MPPED2: variants seen among roughly 807,000 people sequenced by gnomAD.
MPPED2 encodes the protein metallophosphoesterase domain containing 2.
In MPPED2, 5 loss-of-function variants were observed where a neutral mutation model predicts 33.0. That is an observed-to-expected ratio of 0.15 (90% CI 0.08 to 0.32). The LOEUF (loss-of-function observed/expected upper bound fraction) is 0.32. MPPED2 is among the 10% of genes least tolerant of loss of function. The pLI, the probability that MPPED2 is intolerant of heterozygous loss-of-function variation, is 1.00. For synonymous variants in MPPED2, 136 were observed against 141.9 expected, an observed-to-expected ratio of 0.96 and a Z score of 0.29; for missense variants, 275 against 372.1, an observed-to-expected ratio of 0.74 and a Z score of 2.15.
chr11:30,507,219 T>G (rs1952878795), intron 3 of MPPED2, among the ~76,000 whole-genome samples: 1 of 152,216 alleles, frequency 6.6e-6, no homozygotes, highest in Non-Finnish European at 1.5e-5. Flanking sequence ...AAAATGCAAT[T>G]ACTGCAAACA....
intron 4 of MPPED2, among the ~76,000 whole-genome samples, chr11:30,432,612 T>C (rs1045045858): frequency 1.4e-5 from 2 of 147,860 alleles, no homozygotes; most frequent in African/African-American, 5.0e-5. Context: ...ATGACACTAG[T>C]TTTTTTTTAA....
At chr11:30,510,041 T>C (rs1953067845) in intron 3 of MPPED2, among the ~76,000 whole-genome samples, 1 of 152,244 alleles carries the variant, frequency 6.6e-6, no homozygotes, top group South Asian at 2.1e-4. Flanking sequence ...TCCTGGGTCC[T>C]AACATTCATC....
chr11:30,557,083 A>G (rs1955998137), intron 2 of MPPED2, among the ~76,000 whole-genome samples: 1 of 151,922 alleles, frequency 6.6e-6, no homozygotes, highest in African/African-American at 2.4e-5. Flanking sequence ...ATTTTCCCCC[A>G]TAATGCATTT....
At chr11:30,498,025 A>G (rs1443230020) in intron 3 of MPPED2, among the ~76,000 whole-genome samples, 1 of 150,938 alleles carries the variant, frequency 6.6e-6, no homozygotes, top group Non-Finnish European at 1.5e-5. Flanking sequence ...AAGTGTAAAC[A>G]GGGCAGCTGA....
chr11:30,495,665 TGAC>T, intron 3 of MPPED2, 144 bp from the exon 4 acceptor site: 1 of 633,606 alleles, frequency 1.6e-6, no homozygotes, highest in East Asian at 2.7e-5. Flanking sequence ...CTGGAATTTA[TGAC>T]TACTACTTTA....
intron 5 of MPPED2, among the ~76,000 whole-genome samples, chr11:30,414,610 G>T (rs531354404): frequency 6.6e-6 from 1 of 151,430 alleles, no homozygotes; most frequent in Admixed American, 6.6e-5. Context: ...ATTCAGCCAT[G>T]GGTTTCAAAT....
chr11:30,496,076 A>G (rs1287409110), intron 3 of MPPED2, among the ~76,000 whole-genome samples: 2 of 152,232 alleles, frequency 1.3e-5, no homozygotes, highest in Non-Finnish European at 2.9e-5. Flanking sequence ...GGTTGTGAAT[A>G]AAAAGAACAT....
intron 4 of MPPED2, 50 bp downstream of exon 4, chr11:30,495,246 T>C: frequency 7.9e-7 from 1 of 1,269,718 alleles, no homozygotes. Flanking sequence ...TGTGTTTTCT[T>C]GGTACTGAGC....
chr11:30,402,837 C>T (rs964392724), intron 6 of MPPED2, among the ~76,000 whole-genome samples: 4 of 152,240 alleles, frequency 2.6e-5, no homozygotes, highest in Non-Finnish European at 5.9e-5. Context: ...CAACTTACCA[C>T]AGTTTCTGAA....
At position 30,446,480 on chromosome 11, in the gene MPPED2, G is replaced by GA. The variant is rs113580089; in HGVS notation, c.537-28848dup. Among the ~76,000 whole-genome samples, 824 of 147,890 alleles carry GA rather than the reference G, an allele frequency of 5.6e-3. 6 individuals are homozygous for GA. The highest frequency in any genetic ancestry group is 0.016 in the African/African-American group (657 of 40,396). On this transcript the variant is annotated intron_variant, in intron 4 of 6. Coordinates refer to ENST00000358117, the MANE Select transcript of MPPED2 (RefSeq NM_001584.3). ...ATAATAAATTAACTCACTCCAAAGG[G>GA]AAAAAAAAAACAATACAAGTAAGCA...
chr11:30,442,790 G>A (rs1481087696), intron 4 of MPPED2, among the ~76,000 whole-genome samples: 2 of 152,192 alleles, frequency 1.3e-5, no homozygotes, highest in Non-Finnish European at 2.9e-5. Context: ...GAGGAGGATA[G>A]CTTGAGCTCG....
intron 4 of MPPED2, among the ~76,000 whole-genome samples, chr11:30,493,786 C>T (rs1356347448): frequency 6.6e-6 from 1 of 152,200 alleles, no homozygotes; most frequent in Admixed American, 6.5e-5. Context: ...CCGATATTCT[C>T]TTCAGTCCAC....
intron 4 of MPPED2, among the ~76,000 whole-genome samples, chr11:30,454,351 G>A (rs759182684): frequency 6.6e-6 from 1 of 152,066 alleles, no homozygotes; most frequent in Non-Finnish European, 1.5e-5. Flanking sequence ...ACCACGATGT[G>A]TATAAACACT....
rs1393737345 is a variant in MPPED2, at chr11:30,411,555, C to A, written c.798G>T (p.Thr266=). The A allele has an allele frequency of 6.2e-7, 1 of 1,613,614 alleles. No individual in the cohort carries two copies. The highest frequency in any genetic ancestry group is 2.2e-5 in the East Asian group (1 of 44,882). Residue 266 remains threonine (T), a synonymous_variant, in exon 7 of 7, where the codon ACG becomes ACT. Coordinates refer to ENST00000358117, the MANE Select transcript of MPPED2 (RefSeq NM_001584.3). The part of the protein sequence containing the change: ...GYGIMTDGYT[T]YINASTCTVS... Reference sequence around the variant, plus strand: ...CTGTACACGTCGAGGCATTGATGTACGTTGTGTAACCGTCGGTCATGATGC... The same window carrying A: ...CTGTACACGTCGAGGCATTGATGTAAGTTGTGTAACCGTCGGTCATGATGC...
Position 30,481,971 on chromosome 11 carries a change from A to G in MPPED2, c.536+13325T>C, listed in dbSNP as rs1352214190. Among the ~76,000 whole-genome samples, 3 of 152,120 alleles carry G rather than the reference A, an allele frequency of 2.0e-5. 1 individual carries two copies. The highest frequency in any genetic ancestry group is 4.8e-5 in the African/African-American group (2 of 41,424). ...ATGGGATAATCTGTGAAATATGTAC[A>G]TATGTGCCAACCCACACACACACCC... On this transcript the variant is annotated intron_variant, in intron 4 of 6. Coordinates refer to ENST00000358117, the MANE Select transcript of MPPED2 (RefSeq NM_001584.3).
intron 4 of MPPED2, among the ~76,000 whole-genome samples, chr11:30,474,694 A>G (rs1019473131): frequency 2.0e-5 from 3 of 152,234 alleles, no homozygotes; most frequent in East Asian, 3.9e-4. Flanking sequence ...GCCAACACTT[A>G]AAGACCCAGC....
intron 4 of MPPED2, among the ~76,000 whole-genome samples, chr11:30,492,159 C>T (rs1405568501): frequency 6.6e-6 from 1 of 152,206 alleles, no homozygotes; most frequent in African/African-American, 2.4e-5. Context: ...TGCAGCACCA[C>T]CAAAAACAGA....
intron 4 of MPPED2, among the ~76,000 whole-genome samples, chr11:30,484,133 TCCATCCTGTAAAC>T (rs1373728092): frequency 6.6e-6 from 1 of 152,196 alleles, no homozygotes; most frequent in African/African-American, 2.4e-5. Context: ...TTTAATGTGA[TCCATCCTGTAAAC>T]CCACCACACC....
At chr11:30,547,844 TA>T (rs1378298356) in intron 2 of MPPED2, among the ~76,000 whole-genome samples, 1 of 152,110 alleles carries the variant, frequency 6.6e-6, no homozygotes, top group Non-Finnish European at 1.5e-5. Context: ...GAGTCAATTT[TA>T]AAAAAAATAT....
Sources: allele counts gnomAD v4.1 joint callset (sites outside exome capture counted in the v4.1 genomes callset), GRCh38; gene constraint gnomAD v4.1.1; transcripts MANE v1.5; gene names NCBI Gene and HGNC (gene_info 2026-07-23, HGNC 2026-07-21).